Variants in ZNF100 observed in about 807,000 individuals in gnomAD.
ZNF100 encodes zinc finger protein 100.
ZNF100 carries 12 observed loss-of-function variants against 15.8 expected under a neutral mutation model. The ratio of observed to expected loss-of-function variants is 0.76; its 90% CI spans 0.49 to 1.23. The LOEUF (loss-of-function observed/expected upper bound fraction) is 1.23. ZNF100 is among the 50% of genes most tolerant of loss of function. ZNF100 has a pLI of 0.00. For synonymous variants in ZNF100, 226 were observed against 214.8 expected (o/e 1.05, Z -0.45); for missense variants, 670 against 635.6 (o/e 1.05, Z -0.58).
chr19:21,746,613 A>C (rs1450548523), intron 2 of ZNF100, among the ~76,000 whole-genome samples: 3 of 151,374 alleles, frequency 2.0e-5, no homozygotes, highest in Admixed American at 1.3e-4. Flanking sequence ...GGCATATAAG[A>C]AGCCATGATA....
rs2035843916 is a variant in ZNF100, at chr19:21,727,972, GA to G, written c.339del (p.Gln115LysfsTer18). On this transcript the variant is annotated frameshift_variant, in exon 5 of 5. Coordinates refer to ENST00000358296, the MANE Select transcript of ZNF100 (RefSeq NM_173531.4). LOFTEE classifies it low-confidence loss of function (END_TRUNC). ...VAKPPVICSH[F>X]PQDLWAEQDI... ...TCCTGCTCTGCCCAAAGGTCTTGGG[GA>G]AAATGAGAACATATAACTGAAAGAA... 3.9e-6 allele frequency: 6 copies of G among 1,525,960 alleles called. No individual in the cohort carries two copies. Among genetic ancestry groups the G allele is most frequent in the Non-Finnish European group, 3.5e-6 (4 of 1,143,058 alleles). The allele number at this position is 1,525,960 out of a possible 1,614,324, so 94.5% of individuals were successfully genotyped here. A position where few individuals can be genotyped will look rare whatever the true frequency, so the allele number is the denominator to read the frequency against.
rs1223578586 is a variant in ZNF100, at chr19:21,738,286, A to C, written c.322+5731T>G. Among the ~76,000 whole-genome samples the C allele has an allele frequency of 6.5e-5, 8 of 122,900 alleles. No homozygotes were observed. In the South Asian group the frequency reaches 8.1e-4, roughly 12 times the overall value. The allele number at this position is 122,900 out of a possible 152,430, so 80.6% of individuals were successfully genotyped here. ...AAAAAAAAAAAAAAAAAAAAAAAAA[A>C]AAAACTGATGGAGAATGAGAAAACT... On this transcript the variant is annotated intron_variant, in intron 4 of 4. Transcript: ENST00000358296.
intron 4 of ZNF100, among the ~76,000 whole-genome samples, chr19:21,733,629 C>A (rs8106743): frequency 4.6e-5 from 7 of 152,088 alleles, no homozygotes; most frequent in Non-Finnish European, 1.0e-4. Flanking sequence ...GTCTTTCCCC[C>A]TGCTGGCTGA....
chr19:21,747,527 A>C (rs1428078635), intron 2 of ZNF100, among the ~76,000 whole-genome samples: 1 of 152,206 alleles, frequency 6.6e-6, no homozygotes, highest in African/African-American at 2.4e-5. Context: ...GGGTGTTTCA[A>C]ACAAGTCCCC....
At chr19:21,735,682 T>C (rs1210262778) in intron 4 of ZNF100, among the ~76,000 whole-genome samples, 2 of 152,160 alleles carry the variant, frequency 1.3e-5, no homozygotes, top group East Asian at 3.8e-4. Context: ...TCATAGTTTC[T>C]GATAAAACAG....
chr19:21,727,679 T>C lies in ZNF100; in HGVS notation c.633A>G (p.Glu211=), dbSNP rs2035833910. The C allele has an allele frequency of 6.2e-7, 1 of 1,613,020 alleles. No individual in the cohort carries two copies. Residue 211 remains glutamate (E), a synonymous_variant, in exon 5 of 5, where the codon GAA becomes GAG. Coordinates refer to ENST00000358296, the MANE Select transcript of ZNF100 (RefSeq NM_173531.4). The part of the protein sequence containing the change: ...RKKPFKCKKC[E]KSFCMLLHLT... ...GGTGTAAAAGCATGCAAAATGATTT[T>C]TCACATTTTTTACATTTGAAAGGTT...
intron 2 of ZNF100, among the ~76,000 whole-genome samples, chr19:21,760,933 T>C (rs910388088): frequency 6.6e-6 from 1 of 151,936 alleles, no homozygotes; most frequent in South Asian, 2.1e-4. Context: ...TTTTTTTTTG[T>C]ATTTTTAGTA....
At chr19:21,744,599 T>C (rs2036178029) in intron 3 of ZNF100, among the ~76,000 whole-genome samples, 1 of 151,996 alleles carries the variant, frequency 6.6e-6, no homozygotes, top group South Asian at 2.1e-4. Flanking sequence ...CTCAAACTCC[T>C]GACCTCGTGA....
chr19:21,757,910 G>C (rs1426204172), intron 2 of ZNF100, among the ~76,000 whole-genome samples: 1 of 152,086 alleles, frequency 6.6e-6, no homozygotes, highest in African/African-American at 2.4e-5. Flanking sequence ...GGTAGTGTGT[G>C]CCTGTAGTCC....
At chr19:21,765,542 C>A in intron 2 of ZNF100, 152 bp downstream of exon 2, 1 of 623,020 alleles carries the variant, frequency 1.6e-6, no homozygotes, top group African/African-American at 1.8e-5. Flanking sequence ...ATTTATTTCA[C>A]TATTTTTCTG....
chr19:21,727,029 G>C lies in ZNF100; in HGVS notation c.1283C>G (p.Pro428Arg), dbSNP rs2035806706. ...TTTGCCACATTCTTCACATTTGTAGGGTTTCTCTCCAGTATGAATTCTCTT... is the reference window on the plus strand; with the variant it reads ...TTTGCCACATTCTTCACATTTGTAGCGTTTCTCTCCAGTATGAATTCTCTT... ...KHKRIHTGEK[P>R]YKCEECGKAF... The change falls in exon 5 of 5, where the codon CCC (proline) becomes CGC (arginine). Residue 428 changes from proline to arginine, a missense_variant. Coordinates refer to ENST00000358296, the MANE Select transcript of ZNF100 (RefSeq NM_173531.4). 1.9e-6 allele frequency: 3 copies of C among 1,613,780 alleles called. No individual in the cohort carries two copies. Among genetic ancestry groups the C allele is most frequent in the Admixed American group, 1.7e-5 (1 of 59,990 alleles).
At position 21,727,869 on chromosome 19, in the gene ZNF100, C is replaced by T. The variant is rs754077148; in HGVS notation, c.443G>A (p.Gly148Asp). 5.0e-6 allele frequency: 8 copies of T among 1,608,692 alleles called. No individual in the cohort carries two copies. In the South Asian group the frequency reaches 5.6e-5, roughly 11 times the overall value. ...YGHDNLQLQK[G>D]CKSVDECKVH... is the part of the protein sequence containing the mutation. ...TTTACACTCATCCACACTTTTACAG[C>T]CTTTTTGTAACTGTAAATTGTCATG... The change falls in exon 5 of 5, where the codon GGC (glycine) becomes GAC (aspartate). Residue 148 changes from glycine to aspartate, a missense_variant. Transcript: ENST00000358296.
At chr19:21,741,463 C>T (rs1175843022) in intron 4 of ZNF100, among the ~76,000 whole-genome samples, 1 of 152,120 alleles carries the variant, frequency 6.6e-6, no homozygotes, top group East Asian at 1.9e-4. Context: ...CAACCTCTGG[C>T]TCCCAGGTTC....
intron 2 of ZNF100, among the ~76,000 whole-genome samples, chr19:21,760,034 T>G (rs940554123): frequency 1.3e-5 from 2 of 151,670 alleles, no homozygotes; most frequent in African/African-American, 4.8e-5. Context: ...AATATAAAAT[T>G]AGCTGGGCGT....
intron 4 of ZNF100, 142 bp from the exon 5 acceptor site, chr19:21,728,131 TA>T (rs34212229): frequency 0.067 from 40,285 of 599,630 alleles, no homozygotes; most frequent in East Asian, 0.1. Context: ...CATATAAATG[TA>T]AAAAAAAAAA....
chr19:21,727,739 A>C lies in ZNF100; in HGVS notation c.573T>G (p.Asn191Lys). The change falls in exon 5 of 5, where the codon AAT (asparagine) becomes AAG (lysine). Residue 191 changes from asparagine (N) to lysine (K), a missense_variant. Asn to Lys is a moderately conservative substitution (Grantham distance 94). Coordinates refer to ENST00000358296, the MANE Select transcript of ZNF100 (RefSeq NM_173531.4). ...PSAKVFHTFS[N>K]SNRHKIRHTR... ...TATGTCTTATCTTATGTCTGTTTGA[A>C]TTTGAAAATGTATGAAAGACTTTTG... 6.2e-7 allele frequency: 1 copy of C among 1,613,886 alleles called. No homozygotes were observed. Among genetic ancestry groups the C allele is most frequent in the Non-Finnish European group, 8.5e-7 (1 of 1,179,888 alleles).
At chr19:21,736,092 T>A (rs2036004009) in intron 4 of ZNF100, among the ~76,000 whole-genome samples, 2 of 151,734 alleles carry the variant, frequency 1.3e-5, no homozygotes, top group South Asian at 4.2e-4. Context: ...CCGGCCTTAT[T>A]GATTTATTTT....
intron 2 of ZNF100, chr19:21,751,327 G>A (rs1255920933): frequency 3.4e-6 from 3 of 881,018 alleles, no homozygotes; most frequent in Non-Finnish European, 5.9e-6. Context: ...ACAGATCCCT[G>A]GATATTTTTG....
intron 4 of ZNF100, among the ~76,000 whole-genome samples, chr19:21,741,561 G>C (rs1302667519): frequency 2.0e-5 from 3 of 152,062 alleles, no homozygotes; most frequent in East Asian, 3.9e-4. Context: ...TTTTAGTAGA[G>C]ATGGGGTTTC....
Sources: allele counts gnomAD v4.1 joint callset (sites outside exome capture counted in the v4.1 genomes callset), GRCh38; gene constraint gnomAD v4.1.1; transcripts MANE v1.5; gene names NCBI Gene and HGNC (gene_info 2026-07-23, HGNC 2026-07-21).